DCTN4: variants seen among roughly 807,000 people sequenced by gnomAD.
DCTN4 encodes dynactin subunit 4.
In DCTN4, 23 loss-of-function variants were observed where a neutral mutation model predicts 62.7. The ratio of observed to expected loss-of-function variants is 0.37; its 90% CI spans 0.26 to 0.52. The LOEUF (loss-of-function observed/expected upper bound fraction) is 0.52, where lower values mean the gene tolerates loss of function less well. Among genes scored for constraint, DCTN4 ranks in the 20% least tolerant of loss-of-function variants. The pLI is 0.92. For synonymous variants in DCTN4, 199 were observed against 202.1 expected, an observed-to-expected ratio of 0.98 and a Z score of 0.13; for missense variants, 514 against 580.4, an observed-to-expected ratio of 0.89 and a Z score of 1.18.
At chr5:150,713,453 T>C (rs113032992) in intron 12 of DCTN4, among the ~76,000 whole-genome samples, 5 of 149,844 alleles carry the variant, frequency 3.3e-5, no homozygotes, top group Admixed American at 3.3e-4. Context: ...TTCTTTTTTT[T>C]TTTTTTTTGA....
At chr5:150,746,285 T>C (rs1404410673) in intron 3 of DCTN4, among the ~76,000 whole-genome samples, 1 of 133,732 alleles carries the variant, frequency 7.5e-6, no homozygotes, top group Admixed American at 6.7e-5. Context: ...GGCTCTGAAA[T>C]TGAGGCAATA....
Position 150,731,484 on chromosome 5 carries a change from T to C in DCTN4, c.543A>G (p.Lys181=). Residue 181 remains lysine, a synonymous_variant, in exon 6 of 13, where the codon AAA becomes AAG. Coordinates refer to ENST00000447998, the MANE Select transcript of DCTN4 (RefSeq NM_016221.4). ...RNYMPLAFSD[K]YGLGTRLQRP... ...GCTGAAGCCTGGTTCCAAGACCATATTTGTCCTAAACAAAGTTCAGAAATT... is the reference window on the plus strand; with the variant it reads ...GCTGAAGCCTGGTTCCAAGACCATACTTGTCCTAAACAAAGTTCAGAAATT... 3 of 1,613,206 alleles carry C rather than the reference T, an allele frequency of 1.9e-6. No individual in the cohort carries two copies. The highest frequency in any genetic ancestry group is 2.5e-6 in the Non-Finnish European group (3 of 1,179,900).
In DCTN4 at chr5:150,753,637, C is replaced by T. The variant is rs2113151597; in HGVS notation, c.227G>A (p.Cys76Tyr). 6.2e-7 allele frequency: 1 copy of T among 1,612,716 alleles called. No homozygotes were observed. Among genetic ancestry groups the T allele is most frequent in the Non-Finnish European group, 8.5e-7 (1 of 1,179,256 alleles). ...AGAGAGGGTGTGCATGCAGCCAGGACAGTCAAAACAATTGGCACATCTGTG... is the reference window on the plus strand; with the variant it reads ...AGAGAGGGTGTGCATGCAGCCAGGATAGTCAAAACAATTGGCACATCTGTG... The part of the protein sequence containing the change: ...KKNRCANCFD[C>Y]PGCMHTLSTR... The change falls in exon 3 of 13, where the codon TGT becomes TAT. Residue 76 changes from cysteine (C) to tyrosine (Y), a missense_variant. Physicochemically the swap from Cys to Tyr is radical, Grantham distance 194. Coordinates refer to ENST00000447998, the MANE Select transcript of DCTN4 (RefSeq NM_016221.4).
At position 150,712,961 on chromosome 5, in the gene DCTN4, A is replaced by G. The variant is rs527619773; in HGVS notation, c.1170-1599T>C. Among the ~76,000 whole-genome samples the G allele has an allele frequency of 5.3e-5, 8 of 152,336 alleles. No individual in the cohort carries two copies. In the South Asian group the frequency reaches 1.2e-3, roughly 24 times the overall value. ...AATTAATTCAGTTTTTAATTACTCT[A>G]TCATGTAATCAGGCTGAAATCTGAT... On this transcript the variant is annotated intron_variant, in intron 12 of 12. Coordinates refer to ENST00000447998, the MANE Select transcript of DCTN4 (RefSeq NM_016221.4).
At chr5:150,732,543 ACT>A (rs1760425320) in intron 5 of DCTN4, among the ~76,000 whole-genome samples, 1 of 152,242 alleles carries the variant, frequency 6.6e-6, no homozygotes, top group Admixed American at 6.5e-5. Flanking sequence ...AAGTTGCTTA[ACT>A]AGGTCCCATT....
chr5:150,744,965 T>G (rs1760906864), intron 3 of DCTN4, among the ~76,000 whole-genome samples: 3 of 151,246 alleles, frequency 2.0e-5, no homozygotes, highest in African/African-American at 7.3e-5. Context: ...GTTAATGGAC[T>G]AAATGCTCCA....
intron 3 of DCTN4, among the ~76,000 whole-genome samples, chr5:150,750,060 G>A (rs1752619547): frequency 6.6e-6 from 1 of 152,162 alleles, no homozygotes; most frequent in South Asian, 2.1e-4. Context: ...AGTCTAGTCA[G>A]GGGCCGGGAG....
chr5:150,758,885 G>A lies in DCTN4; in HGVS notation c.109C>T (p.Arg37Trp). 1.2e-6 allele frequency: 2 copies of A among 1,613,786 alleles called. No individual in the cohort carries two copies. The highest frequency in any genetic ancestry group is 1.6e-4 in the Middle Eastern group (1 of 6,062). Residue 37 changes from arginine (R) to tryptophan (W), a missense_variant, in exon 1 of 13, where the codon CGG becomes TGG. By Grantham distance (101) the Arg-to-Trp change is moderately radical (BLOSUM62 -3). Coordinates refer to ENST00000447998, the MANE Select transcript of DCTN4 (RefSeq NM_016221.4). ...LYFCRYCSELRSLECVSHEVD... is the reference protein window; with the variant it reads ...LYFCRYCSELWSLECVSHEVD... Reference sequence around the variant, plus strand: ...TCGTGAGACACACATTCCAGCGACCGCAGTTCGCTACAATAGCGGCAGAAG... The same window carrying A: ...TCGTGAGACACACATTCCAGCGACCACAGTTCGCTACAATAGCGGCAGAAG...
chr5:150,747,663 G>A (rs773946843), intron 3 of DCTN4, among the ~76,000 whole-genome samples: 2,165 of 150,802 alleles, frequency 0.014, 26 homozygotes, highest in Middle Eastern at 0.038. Context: ...GATCTTTGAC[G>A]AACCTGAGAA....
intron 4 of DCTN4, among the ~76,000 whole-genome samples, chr5:150,740,600 G>A (rs115043544): frequency 0.01 from 1,572 of 152,242 alleles, 8 homozygotes; most frequent in Non-Finnish European, 0.015. Context: ...ACACTTGCCT[G>A]CACGTTTATA....
chr5:150,717,421 T>G (rs1759801035), intron 11 of DCTN4, among the ~76,000 whole-genome samples: 1 of 152,170 alleles, frequency 6.6e-6, no homozygotes, highest in Admixed American at 6.5e-5. Flanking sequence ...GGCTAATTTT[T>G]GTATTTTAGT....
In DCTN4 at chr5:150,711,722, G is replaced by A. The variant is rs575098025; in HGVS notation, c.1170-360C>T. 5.9e-4 allele frequency among the ~76,000 whole-genome samples: 90 copies of A among 152,120 alleles called. 1 individual carries two copies. Among genetic ancestry groups the A allele is most frequent in the Admixed American group, 1.2e-3 (18 of 15,276 alleles). The stretch of plus-strand genomic sequence containing the variant: ...TTTGGTGGAGATGGGGTTTCGCCAC[G>A]TTGCCCAGGCTGGTCTCGAACACCA... On this transcript the variant is annotated intron_variant, in intron 12 of 12. Transcript: ENST00000447998.
intron 4 of DCTN4, among the ~76,000 whole-genome samples, chr5:150,738,852 T>C (rs903174670): frequency 4.5e-4 from 68 of 152,130 alleles, no homozygotes; most frequent in African/African-American, 1.6e-3. Flanking sequence ...ATCGTATGCC[T>C]AGAAAACCCT....
intron 8 of DCTN4, among the ~76,000 whole-genome samples, chr5:150,725,567 T>A (rs917527651): frequency 2.6e-5 from 4 of 152,134 alleles, no homozygotes; most frequent in African/African-American, 9.7e-5. Flanking sequence ...CTGTTTTTTT[T>A]CTAACTTCTT....
intron 2 of DCTN4, among the ~76,000 whole-genome samples, chr5:150,755,907 CA>C (rs1407079916): frequency 6.6e-6 from 1 of 152,144 alleles, no homozygotes; most frequent in Non-Finnish European, 1.5e-5. Context: ...ATACTATCTT[CA>C]CCATAATTCT....
At position 150,758,840 on chromosome 5, in the gene DCTN4, T is replaced by C. The variant is rs1752958483; in HGVS notation, c.135+19A>G. ...CGCCCCCCCCACCCCACATACTCGCTATAGGGCGACTCTGTTACCTCGTGA... is the reference window on the plus strand; with the variant it reads ...CGCCCCCCCCACCCCACATACTCGCCATAGGGCGACTCTGTTACCTCGTGA... On this transcript the variant is annotated intron_variant, in intron 1 of 12. Coordinates refer to ENST00000447998, the MANE Select transcript of DCTN4 (RefSeq NM_016221.4). 1.2e-6 allele frequency: 2 copies of C among 1,609,980 alleles called. No homozygotes were observed. The highest frequency in any genetic ancestry group is 1.3e-5 in the African/African-American group (1 of 74,928).
intron 8 of DCTN4, 139 bp downstream of exon 8, chr5:150,730,492 C>A: frequency 1.4e-6 from 1 of 696,824 alleles, no homozygotes; most frequent in Non-Finnish European, 2.4e-6. Flanking sequence ...TAAAATAGTG[C>A]CTGGCAATTA....
At chr5:150,756,191 G>A (rs1357579166) in intron 2 of DCTN4, among the ~76,000 whole-genome samples, 2 of 152,090 alleles carry the variant, frequency 1.3e-5, no homozygotes, top group East Asian at 3.9e-4. Flanking sequence ...ACAGGCGCGT[G>A]CCACCACACC....
chr5:150,751,160 T>C (rs866610513), intron 3 of DCTN4, among the ~76,000 whole-genome samples: 3 of 152,188 alleles, frequency 2.0e-5, no homozygotes, highest in Admixed American at 1.3e-4. Context: ...AATCTCATTG[T>C]AAGTTTTTCT....
Sources: allele counts gnomAD v4.1 joint callset (sites outside exome capture counted in the v4.1 genomes callset), GRCh38; gene constraint gnomAD v4.1.1; transcripts MANE v1.5; gene names NCBI Gene and HGNC (gene_info 2026-07-23, HGNC 2026-07-21).